IDI1: variants seen among roughly 807,000 people sequenced by gnomAD.
IDI1 encodes the protein isopentenyl-diphosphate delta isomerase 1, also known as isopentenyl-diphosphate Delta-isomerase 1.
A neutral mutation model predicts 32.9 loss-of-function variants in IDI1; 23 were observed. The observed-to-expected ratio is 0.70, with a 90% CI of 0.50 to 0.99. IDI1 has a LOEUF of 0.99. Among genes scored for constraint, IDI1 ranks in the 50% least tolerant of loss-of-function variants. The pLI, the probability that IDI1 is intolerant of heterozygous loss-of-function variation, is 0.00. For synonymous variants in IDI1, 133 were observed against 128.2 expected, an observed-to-expected ratio of 1.04 and a Z score of -0.25; for missense variants, 326 against 351.9, an observed-to-expected ratio of 0.93 and a Z score of 0.59.
chr10:1,051,257 T>C (rs1407503355), upstream of IDI1, among the ~76,000 whole-genome samples: 1 of 152,214 alleles, frequency 6.6e-6, no homozygotes. Context: ...TTTTTAAGTA[T>C]TGGGAAGCTA....
chr10:1,040,180 C>T lies in IDI1; in HGVS notation c.*1007G>A, dbSNP rs1311307367. Reference sequence around the variant, plus strand: ...AATTTTTAACATTAATATACACATTCCATAATCTCATCTATTTAACATTAA... The same window carrying T: ...AATTTTTAACATTAATATACACATTTCATAATCTCATCTATTTAACATTAA... On this transcript the variant is annotated 3_prime_UTR_variant, in exon 5 of 5. Transcript: ENST00000381344. 1 of 152,052 alleles carries T rather than the reference C, an allele frequency of 6.6e-6. No individual in the cohort carries two copies. The highest frequency in any genetic ancestry group is 2.4e-5 in the African/African-American group (1 of 41,410). The allele number at this position is 152,052 out of a possible 1,614,324, so 9.4% of individuals were successfully genotyped here. A position where few individuals can be genotyped will look rare whatever the true frequency, so the allele number is the denominator to read the frequency against.
the IDI1 span, among the ~76,000 whole-genome samples, chr10:1,055,730 T>C: frequency 6.6e-6 from 1 of 151,500 alleles, no homozygotes; most frequent in South Asian, 2.1e-4. Flanking sequence ...TTTTTTTTGG[T>C]AATCTGGATC....
chr10:1,048,928 C>G lies in IDI1; in HGVS notation c.76G>C (p.Ala26Pro). 6.3e-7 allele frequency: 1 copy of G among 1,594,014 alleles called. No individual in the cohort carries two copies. The highest frequency in any genetic ancestry group is 8.5e-7 in the Non-Finnish European group (1 of 1,173,064). ...TGGCGCCCGCTTTGAGCACAGTCTG[C>G]GGCGCGCACCGCCCACTGGCCCCGC... ...RGRGQWAVRA[A>P]DCAQSGRHPG... Residue 26 changes from alanine to proline, a missense_variant, in exon 1 of 5, where the codon GCA becomes CCA. By Grantham distance (27) the Ala-to-Pro change is conservative. This residue lies in a region of IDI1 where 121 missense variants were observed against 78.4 expected (regional missense o/e 1.54). Coordinates refer to ENST00000381344, the MANE Select transcript of IDI1 (RefSeq NM_004508.4).
At chr10:1,056,105 C>T in the IDI1 span, among the ~76,000 whole-genome samples, 9 of 152,222 alleles carry the variant, frequency 5.9e-5, no homozygotes, top group African/African-American at 1.9e-4. Context: ...CCGCGCCTGG[C>T]CTTGAGCTTC....
chr10:1,049,664 T>G (rs955706219), upstream of IDI1: 1 of 151,694 alleles, frequency 6.6e-6, no homozygotes, highest in Non-Finnish European at 1.5e-5. Flanking sequence ...GTTCTAAATT[T>G]TTTTTTTTTG....
intron 1 of IDI1, 102 bp downstream of exon 1, chr10:1,048,762 T>A (rs1213714091): frequency 2.7e-6 from 4 of 1,508,652 alleles, no homozygotes; most frequent in African/African-American, 2.9e-5. Flanking sequence ...CGCCGAGACC[T>A]CACGGGTGGC....
At position 1,039,720 on chromosome 10, in the gene IDI1, G is replaced by A. The variant is rs1423076369; in HGVS notation, c.*1467C>T. The A allele has an allele frequency of 6.6e-6, 1 of 152,096 alleles. No individual in the cohort carries two copies. Among genetic ancestry groups the A allele is most frequent in the East Asian group, 1.9e-4 (1 of 5,200 alleles). The allele number at this position is 152,096 out of a possible 1,614,324, so 9.4% of individuals were successfully genotyped here. On this transcript the variant is annotated 3_prime_UTR_variant, in exon 5 of 5. Coordinates refer to ENST00000381344, the MANE Select transcript of IDI1 (RefSeq NM_004508.4). ...ACAAGGTGCTGGGTAGCAGTCTAAGGGTCCCATGTCCAATTCAGTAGCCAT... is the reference window on the plus strand; with the variant it reads ...ACAAGGTGCTGGGTAGCAGTCTAAGAGTCCCATGTCCAATTCAGTAGCCAT...
upstream of IDI1, among the ~76,000 whole-genome samples, chr10:1,051,109 C>T (rs138321043): frequency 7.0e-4 from 106 of 152,246 alleles, no homozygotes; most frequent in East Asian, 2.5e-3. Context: ...TTTTCCTGTG[C>T]GTGATGTTGA....
the IDI1 span, chr10:1,056,677 G>C: frequency 5.2e-5 from 8 of 152,386 alleles, no homozygotes; most frequent in Admixed American, 2.0e-4. Context: ...AGCGCGCCCA[G>C]ACCCCTCGGG....
chr10:1,055,282 T>C, the IDI1 span, among the ~76,000 whole-genome samples: 30 of 152,374 alleles, frequency 2.0e-4, no homozygotes, highest in South Asian at 6.0e-3. Flanking sequence ...TTAAATTAGT[T>C]ACAAAAGATG....
chr10:1,048,283 C>T (rs750161550), intron 1 of IDI1: 1 of 1,304,360 alleles, frequency 7.7e-7, no homozygotes, highest in Non-Finnish European at 1.0e-6. Flanking sequence ...GACGCGGGAA[C>T]ACATCATCCA....
chr10:1,045,805 A>C (rs1222768773), intron 1 of IDI1, among the ~76,000 whole-genome samples: 1 of 152,214 alleles, frequency 6.6e-6, no homozygotes, highest in Non-Finnish European at 1.5e-5. Flanking sequence ...CATACTGCAG[A>C]ATGTACACAA....
chr10:1,045,927 GAT>G (rs1832796073), intron 1 of IDI1, among the ~76,000 whole-genome samples: 1 of 151,980 alleles, frequency 6.6e-6, no homozygotes, highest in Admixed American at 6.6e-5. Flanking sequence ...TGATGATGGA[GAT>G]ATTGATATCT....
rs1402340248 is a variant in IDI1 at position 1,048,879 on chromosome 10, CCA to C, written c.123_124del (p.Cys41TrpfsTer19). The C allele has an allele frequency of 1.9e-6, 3 of 1,605,580 alleles. No individual in the cohort carries two copies. Among genetic ancestry groups the C allele is most frequent in the Non-Finnish European group, 2.5e-6 (3 of 1,176,696 alleles). ...TCCACAGTACCTGATCAGCCTCCGG[CCA>C]CAGACAACCGCCGGTCCCGGATGGC... On this transcript the variant is annotated frameshift_variant, in exon 1 of 5. Transcript: ENST00000381344. LOFTEE classifies it high-confidence loss of function.
At chr10:1,041,734 A>T (rs76787281) in intron 4 of IDI1, among the ~76,000 whole-genome samples, 1 of 148,824 alleles carries the variant, frequency 6.7e-6, no homozygotes, top group Non-Finnish European at 1.5e-5. Context: ...TCCCGATCAG[A>T]TAAGTTTTTT....
chr10:1,055,628 A>G, the IDI1 span, among the ~76,000 whole-genome samples: 6 of 152,182 alleles, frequency 3.9e-5, no homozygotes, highest in Non-Finnish European at 8.8e-5. Flanking sequence ...AAAAACTCAA[A>G]TATTTTTTTC....
chr10:1,044,863 G>A (rs1490557687), intron 1 of IDI1, among the ~76,000 whole-genome samples: 1 of 152,226 alleles, frequency 6.6e-6, no homozygotes, highest in African/African-American at 2.4e-5. Flanking sequence ...TTAAGGCAGT[G>A]CTTGGCAAGT....
At chr10:1,041,810 T>C (rs983377845) in intron 4 of IDI1, among the ~76,000 whole-genome samples, 4 of 86,194 alleles carry the variant, frequency 4.6e-5, no homozygotes, top group African/African-American at 1.7e-4. Flanking sequence ...CTTTTTCTTC[T>C]TTTTTTTTTT....
chr10:1,042,437 T>C (rs961695546), intron 4 of IDI1, 195 bp downstream of exon 4: 5 of 566,386 alleles, frequency 8.8e-6, no homozygotes, highest in African/African-American at 3.8e-5. Context: ...ATCCCCGTAT[T>C]GAGCTAAGTT....
Sources: allele counts gnomAD v4.1 joint callset (sites outside exome capture counted in the v4.1 genomes callset), GRCh38; gene constraint gnomAD v4.1.1; regional missense constraint gnomAD v4.1.1; transcripts MANE v1.5; gene names NCBI Gene and HGNC (gene_info 2026-07-23, HGNC 2026-07-21).